Variants in PCDHGA2 observed in about 807,000 individuals in gnomAD.
PCDHGA2 encodes the protein protocadherin gamma subfamily A, 2.
Under a neutral mutation model 59.2 loss-of-function variants are expected in PCDHGA2, and 40 were observed. The observed-to-expected ratio is 0.68, with a 90% confidence interval of 0.52 to 0.88. The LOEUF (loss-of-function observed/expected upper bound fraction) is 0.88. Ranked by LOEUF, PCDHGA2 falls within the 40% of genes least tolerant of loss-of-function variation. The pLI, the probability that PCDHGA2 is intolerant of heterozygous loss-of-function variation, is 0.00. For synonymous variants in PCDHGA2, 560 were observed against 526.0 expected (o/e 1.06, Z -0.89); for missense variants, 1,226 against 1,204.0 (o/e 1.02, Z -0.27).
chr5:141,382,779 C>G (rs1561592016), intron 1 of PCDHGA2: 3 of 834,176 alleles, frequency 3.6e-6, no homozygotes, highest in Non-Finnish European at 5.6e-6. Flanking sequence ...GCACTAAACT[C>G]AAGCCTCTAT....
At chr5:141,397,495 A>T (rs1346259397) in intron 1 of PCDHGA2, among the ~76,000 whole-genome samples, 2 of 152,226 alleles carry the variant, frequency 1.3e-5, no homozygotes, top group Non-Finnish European at 2.9e-5. Flanking sequence ...GAACAGAAGA[A>T]TGATAAAATT....
chr5:141,359,594 A>C (rs1761263639), intron 1 of PCDHGA2, among the ~76,000 whole-genome samples: 1 of 151,908 alleles, frequency 6.6e-6, no homozygotes, highest in Non-Finnish European at 1.5e-5. Flanking sequence ...ACAACTAAAA[A>C]AGCAATGTGC....
chr5:141,461,258 A>G lies in PCDHGA2; in HGVS notation c.2425-33549A>G, dbSNP rs2099011921. Among the ~76,000 whole-genome samples, 4 of 152,104 alleles carry G rather than the reference A, an allele frequency of 2.6e-5. No individual in the cohort carries two copies. In the South Asian group the frequency reaches 8.3e-4, roughly 31 times the overall value. The stretch of plus-strand genomic sequence containing the variant: ...GTACTAATTTATATTCCCAGCAGCA[A>G]TGTGTAAGTGTTCTCTTTTCCCCAC... On this transcript the variant is annotated intron_variant, in intron 1 of 3. Transcript: ENST00000394576.
At chr5:141,380,088 T>A (rs1292073938) in intron 1 of PCDHGA2, among the ~76,000 whole-genome samples, 1 of 151,730 alleles carries the variant, frequency 6.6e-6, no homozygotes, top group Non-Finnish European at 1.5e-5. Flanking sequence ...TTAGTAGAGA[T>A]GGGGTTTTAC....
Position 141,490,102 on chromosome 5 carries a change from G to A in PCDHGA2, c.2425-4705G>A, listed in dbSNP as rs377649214. On this transcript the variant is annotated intron_variant, in intron 1 of 3. Coordinates refer to ENST00000394576, the MANE Select transcript of PCDHGA2 (RefSeq NM_018915.4). The surrounding 1 kb of genome is among the most constrained non-coding windows in gnomAD (Gnocchi z 5.4). ...TTCTTTTGGAGACCACACATCTGAG[G>A]CAGTGCGGAACCTCTTTGGCCTAGA... 4.3e-6 allele frequency: 7 copies of A among 1,614,144 alleles called. No homozygotes were observed. The African/African-American group carries it at 9.3e-5, about 22-fold the overall frequency.
At position 141,339,752 on chromosome 5, in the gene PCDHGA2, A is replaced by T; in HGVS notation, c.781A>T (p.Ile261Leu). 6.2e-7 allele frequency: 1 copy of T among 1,614,174 alleles called. No individual in the cohort carries two copies. Among genetic ancestry groups the T allele is most frequent in the Non-Finnish European group, 8.5e-7 (1 of 1,180,016 alleles). The change falls in exon 1 of 4, where the codon ATA (isoleucine) becomes TTA (leucine). Residue 261 changes from isoleucine to leucine, a missense_variant. By Grantham distance (5) the Ile-to-Leu change is conservative. Transcript: ENST00000394576. ...IPENTLVGTR[I>L]LTVTATDADE... The stretch of plus-strand genomic sequence containing the variant: ...GGAGAATACGCTCGTGGGCACCCGG[A>T]TACTCACGGTGACCGCCACTGACGC...
rs754577584 is a variant in PCDHGA2, at chr5:141,384,611, G to A, written c.2424+43216G>A. The A allele has an allele frequency of 4.3e-6, 7 of 1,614,098 alleles. No individual in the cohort carries two copies. The highest frequency in any genetic ancestry group is 5.9e-6 in the Non-Finnish European group (7 of 1,180,050). On this transcript the variant is annotated intron_variant, in intron 1 of 3. Coordinates refer to ENST00000394576, the MANE Select transcript of PCDHGA2 (RefSeq NM_018915.4). ...CTGTACCCGGCCCTCCCCACAGATG[G>A]TTCTACTGGCATGGAGCTGGCACCC...
intron 1 of PCDHGA2, among the ~76,000 whole-genome samples, chr5:141,492,996 AG>A: frequency 6.6e-6 from 1 of 152,348 alleles, no homozygotes; most frequent in Admixed American, 6.5e-5. Flanking sequence ...GCAGATGGAA[AG>A]CTATAGGCTC....
chr5:141,341,311 C>T lies in PCDHGA2; in HGVS notation c.2340C>T (p.Ile780=). 1 of 1,614,266 alleles carries T rather than the reference C, an allele frequency of 6.2e-7. No homozygotes were observed. Among genetic ancestry groups the T allele is most frequent in the Non-Finnish European group, 8.5e-7 (1 of 1,180,056 alleles). ...FPQPNYADTL[I]SQESCEKKDF... ...AGCCCAACTATGCGGACACGCTCAT[C>T]AGCCAGGAGAGCTGTGAGAAAAAGG... The change falls in exon 1 of 4, where the codon ATC becomes ATT. Residue 780 remains isoleucine, a synonymous_variant. Transcript: ENST00000394576.
intron 1 of PCDHGA2, chr5:141,384,016 G>A: frequency 6.2e-7 from 1 of 1,613,744 alleles, no homozygotes; most frequent in Non-Finnish European, 8.5e-7. Flanking sequence ...CTACCTACAA[G>A]ACAGAGATTC....
At chr5:141,427,732 G>T in intron 1 of PCDHGA2, 1 of 1,190,370 alleles carries the variant, frequency 8.4e-7, no homozygotes, top group Non-Finnish European at 1.2e-6. Context: ...GGGCTGAATG[G>T]CCAAGTCTCC....
At chr5:141,392,465 C>A (rs2092539675) in intron 1 of PCDHGA2, 2 of 174,278 alleles carry the variant, frequency 1.1e-5, no homozygotes, top group Admixed American at 6.2e-5. Flanking sequence ...ACGGATAAAT[C>A]AAATAAATTC....
At chr5:141,460,456 T>C (rs2098989632) in intron 1 of PCDHGA2, among the ~76,000 whole-genome samples, 1 of 152,124 alleles carries the variant, frequency 6.6e-6, no homozygotes, top group South Asian at 2.1e-4. Flanking sequence ...AAGATTCATA[T>C]TTTTTTCCAA....
intron 1 of PCDHGA2, chr5:141,360,927 G>A: frequency 6.2e-7 from 1 of 1,613,984 alleles, no homozygotes; most frequent in South Asian, 1.1e-5. Context: ...TGCTTCAAGT[G>A]ACAGCCACCG....
At chr5:141,408,059 C>T in intron 1 of PCDHGA2, 1 of 1,317,324 alleles carries the variant, frequency 7.6e-7, no homozygotes, top group Non-Finnish European at 1.0e-6. Flanking sequence ...AGCCTCCCGG[C>T]TGCGCAGACC....
intron 2 of PCDHGA2, 30 bp from the exon 3 acceptor site, chr5:141,505,361 AGT>A: frequency 6.2e-7 from 1 of 1,613,910 alleles, no homozygotes; most frequent in Non-Finnish European, 8.5e-7. Context: ...CCGGCCTGGG[AGT>A]CTGTGCTCAC....
intron 1 of PCDHGA2, chr5:141,346,029 G>T (rs1487000938): frequency 6.2e-7 from 1 of 1,613,520 alleles, no homozygotes; most frequent in East Asian, 2.2e-5. Flanking sequence ...GGCCGTGGCC[G>T]ACAGGATCCC....
Position 141,421,313 on chromosome 5 carries a change from C to T in PCDHGA2, c.2425-73494C>T, listed in dbSNP as rs201429116. 461 of 1,613,716 alleles carry T rather than the reference C, an allele frequency of 2.9e-4. No homozygotes were observed. Among genetic ancestry groups the T allele is most frequent in the Non-Finnish European group, 3.7e-4 (436 of 1,179,850 alleles). On this transcript the variant is annotated intron_variant, in intron 1 of 3. Coordinates refer to ENST00000394576, the MANE Select transcript of PCDHGA2 (RefSeq NM_018915.4). ...CTGGGGACGCTGCGGGGGTTCCGGGCCAGGCAGATCCGATATTCGGTGCCA... is the reference window on the plus strand; with the variant it reads ...CTGGGGACGCTGCGGGGGTTCCGGGTCAGGCAGATCCGATATTCGGTGCCA...
intron 1 of PCDHGA2, chr5:141,415,234 A>G: frequency 1.2e-6 from 2 of 1,614,136 alleles, no homozygotes; most frequent in Non-Finnish European, 1.7e-6. Context: ...GTCTCCAGCT[A>G]ACTCTGAAAC....
Sources: gnomAD v4.1 joint callset for allele counts (sites outside exome capture counted in the v4.1 genomes callset) on GRCh38, gnomAD v4.1.1 for gene constraint, Gnocchi (gnomAD v3.1) non-coding constraint, MANE v1.5 for transcripts, NCBI Gene and HGNC (gene_info 2026-07-23, HGNC 2026-07-21) for gene names.